Variants in FBN1 observed in about 807,000 individuals in gnomAD.
FBN1 encodes fibrillin 1.
Under a neutral mutation model 365.1 loss-of-function variants are expected in FBN1, and 29 were observed. That is an observed-to-expected ratio of 0.08 (90% CI 0.06 to 0.11). The LOEUF (loss-of-function observed/expected upper bound fraction) is 0.11, where lower values mean the gene tolerates loss of function less well. Ranked by LOEUF, FBN1 falls within the 10% of genes least tolerant of loss-of-function variation. The probability of loss-of-function intolerance (pLI) is 1.00; values close to 1 mark genes in which losing one functional copy is unlikely to be tolerated. For missense variants in FBN1, 2,476 were observed against 3,703.2 expected, an observed-to-expected ratio of 0.67 and a Z score of 8.60; for synonymous variants, 1,210 against 1,270.5, an observed-to-expected ratio of 0.95 and a Z score of 1.01.
intron 6 of FBN1, among the ~76,000 whole-genome samples, chr15:48,587,954 A>G (rs2044449580): frequency 6.6e-6 from 1 of 152,194 alleles, no homozygotes; most frequent in African/African-American, 2.4e-5. Context: ...TACTTTTCAA[A>G]TATCAATGCA....
chr15:48,479,391 T>C (rs2043449980), intron 32 of FBN1, among the ~76,000 whole-genome samples: 1 of 152,198 alleles, frequency 6.6e-6, no homozygotes, highest in African/African-American at 2.4e-5. Context: ...GGTGATTTGT[T>C]CAAGATCATG....
At chr15:48,499,463 C>T (rs1054692462) in intron 17 of FBN1, among the ~76,000 whole-genome samples, 1 of 152,166 alleles carries the variant, frequency 6.6e-6, no homozygotes, top group African/African-American at 2.4e-5. Context: ...TGGTTCTTAA[C>T]ATTTCCTCAT....
intron 54 of FBN1, 146 bp from the exon 55 acceptor site, chr15:48,433,134 C>T: frequency 1.2e-6 from 1 of 807,830 alleles, no homozygotes. Flanking sequence ...CTCCCATTTC[C>T]CGGAAATTAT....
intron 31 of FBN1, among the ~76,000 whole-genome samples, chr15:48,483,094 C>G (rs1374805154): frequency 2.6e-5 from 4 of 152,138 alleles, no homozygotes; most frequent in Admixed American, 6.5e-5. Context: ...GGTATCCAAT[C>G]AAAAATTACC....
chr15:48,636,478 G>A (rs116439205), intron 2 of FBN1, among the ~76,000 whole-genome samples: 1 of 152,142 alleles, frequency 6.6e-6, no homozygotes, highest in Non-Finnish European at 1.5e-5. Context: ...AGCCCCAACA[G>A]ACACTCACTC....
At chr15:48,566,015 AC>A (rs778897730) in intron 6 of FBN1, among the ~76,000 whole-genome samples, 8 of 152,184 alleles carry the variant, frequency 5.3e-5, no homozygotes, top group Non-Finnish European at 1.0e-4. Flanking sequence ...TTTTTTTCTT[AC>A]CCTAAGAATA....
chr15:48,421,366 G>C (rs1439847525), intron 62 of FBN1, among the ~76,000 whole-genome samples, 192 bp downstream of exon 62: 1 of 150,114 alleles, frequency 6.7e-6, no homozygotes, highest in East Asian at 2.1e-4. Context: ...AGGCATGTGT[G>C]TTAGACACAA....
chr15:48,475,242 C>A (rs1158281773), intron 32 of FBN1, among the ~76,000 whole-genome samples: 1 of 152,152 alleles, frequency 6.6e-6, no homozygotes, highest in Non-Finnish European at 1.5e-5. Context: ...TATAAGCCAT[C>A]TTTTCCCTAG....
chr15:48,611,742 C>T (rs182522340), intron 3 of FBN1, among the ~76,000 whole-genome samples: 181 of 152,284 alleles, frequency 1.2e-3, no homozygotes, highest in Non-Finnish European at 4.4e-4. Context: ...ACCAAATGCT[C>T]TGCTAGTGGT....
intron 6 of FBN1, among the ~76,000 whole-genome samples, chr15:48,545,603 A>C (rs930140353): frequency 2.6e-5 from 4 of 152,170 alleles, no homozygotes; most frequent in Non-Finnish European, 5.9e-5. Flanking sequence ...GAACATGAAA[A>C]GGTTCTGGAG....
At chr15:48,583,063 G>T (rs1179352943) in intron 6 of FBN1, among the ~76,000 whole-genome samples, 1 of 152,198 alleles carries the variant, frequency 6.6e-6, no homozygotes, top group Non-Finnish European at 1.5e-5. Flanking sequence ...TGTGTGGCCA[G>T]CCTTCCTACA....
intron 2 of FBN1, among the ~76,000 whole-genome samples, chr15:48,614,164 C>A (rs1472208484): frequency 6.6e-6 from 1 of 152,122 alleles, no homozygotes; most frequent in African/African-American, 2.4e-5. Flanking sequence ...TAGAAGCAAC[C>A]ATTAGTTTTA....
intron 9 of FBN1, among the ~76,000 whole-genome samples, chr15:48,523,043 C>G (rs1205044954): frequency 6.6e-6 from 1 of 152,170 alleles, no homozygotes; most frequent in African/African-American, 2.4e-5. Context: ...AATTGAACTT[C>G]CTACATTCTA....
intron 26 of FBN1, 49 bp from the exon 27 acceptor site, chr15:48,488,290 A>G (rs895677526): frequency 3.1e-6 from 5 of 1,613,762 alleles, no homozygotes; most frequent in Non-Finnish European, 4.2e-6. Context: ...GACAGCCTTA[A>G]TTCTTGCGAC....
intron 6 of FBN1, among the ~76,000 whole-genome samples, chr15:48,588,338 A>G (rs1251305336): frequency 1.3e-5 from 2 of 152,228 alleles, no homozygotes; most frequent in African/African-American, 4.8e-5. Context: ...TGTGGCTACA[A>G]GAAAAGTTAA....
intron 32 of FBN1, among the ~76,000 whole-genome samples, chr15:48,479,832 G>C (rs1400554974): frequency 1.3e-5 from 2 of 152,100 alleles, no homozygotes; most frequent in Non-Finnish European, 2.9e-5. Flanking sequence ...GTTCAAGCAT[G>C]AATCAGTAAA....
chr15:48,511,712 C>T (rs1406320564), intron 13 of FBN1, among the ~76,000 whole-genome samples: 1 of 152,164 alleles, frequency 6.6e-6, no homozygotes, highest in Admixed American at 6.5e-5. Flanking sequence ...ACGTTCTCAA[C>T]TTCTTATTTT....
intron 2 of FBN1, among the ~76,000 whole-genome samples, chr15:48,630,731 C>CAAAAAAAA (rs11393587): frequency 6.3e-5 from 7 of 111,060 alleles, no homozygotes; most frequent in South Asian, 3.4e-4. Context: ...GACTCCATCT[C>CAAAAAAAA]AAAAAAAAAA....
At chr15:48,568,041 G>GA (rs1261305792) in intron 6 of FBN1, among the ~76,000 whole-genome samples, 10 of 63,226 alleles carry the variant, frequency 1.6e-4, no homozygotes, top group African/African-American at 1.2e-3. Context: ...AAGAAAGAAA[G>GA]AAAGAAAGAA....
Sources: allele counts gnomAD v4.1 joint callset (sites outside exome capture counted in the v4.1 genomes callset), GRCh38; gene constraint gnomAD v4.1.1; transcripts MANE v1.5; gene names NCBI Gene and HGNC (gene_info 2026-07-23, HGNC 2026-07-21).